Variants in JPT1 observed in about 807,000 individuals in gnomAD.
The protein encoded by JPT1 is androgen-regulated protein 2.
JPT1 carries 5 observed loss-of-function variants against 17.0 expected under a neutral mutation model. The observed-to-expected ratio is 0.29, with a 90% CI of 0.15 to 0.62. The LOEUF (loss-of-function observed/expected upper bound fraction) is 0.62, where lower values mean the gene tolerates loss of function less well. JPT1 is among the 20% of genes least tolerant of loss of function. The pLI, the probability that JPT1 is intolerant of heterozygous loss-of-function variation, is 0.85. For missense variants in JPT1, 158 were observed against 188.1 expected, an observed-to-expected ratio of 0.84 and a Z score of 0.94; for synonymous variants, 71 against 73.6, an observed-to-expected ratio of 0.96 and a Z score of 0.18.
rs747003016 is a variant in JPT1, at chr17:75,136,042, T to C, written c.*60A>G. On this transcript the variant is annotated 3_prime_UTR_variant, in exon 5 of 5. Coordinates refer to ENST00000409753, the MANE Select transcript of JPT1 (RefSeq NM_016185.4). ...CAAGAGATGTACAGTCAGGCTCAAG[T>C]TGTGCAGTTCACAAGCATGGAGGAA... The C allele has an allele frequency of 1.2e-6, 2 of 1,613,384 alleles. No homozygotes were observed. Among genetic ancestry groups the C allele is most frequent in the Admixed American group, 3.3e-5 (2 of 59,974 alleles).
chr17:75,142,616 A>AT, intron 4 of JPT1: 1 of 208,172 alleles, frequency 4.8e-6, no homozygotes, highest in Non-Finnish European at 8.9e-6. Context: ...AGGGGGAGAG[A>AT]GGAGGGGAGG....
At chr17:75,150,729 G>T (rs545558840) in intron 1 of JPT1, among the ~76,000 whole-genome samples, 1 of 151,520 alleles carries the variant, frequency 6.6e-6, no homozygotes, top group African/African-American at 2.4e-5. Flanking sequence ...CTTACTGCCT[G>T]TGTAATTGCA....
intron 1 of JPT1, among the ~76,000 whole-genome samples, chr17:75,150,375 CCT>C (rs1295146729): frequency 6.6e-6 from 1 of 151,808 alleles, no homozygotes; most frequent in African/African-American, 2.4e-5. Context: ...TGCCTCAGCC[CCT>C]GAGTAGCTGG....
intron 4 of JPT1, among the ~76,000 whole-genome samples, chr17:75,138,012 A>G (rs956968350): frequency 1.3e-4 from 20 of 150,250 alleles, no homozygotes; most frequent in Non-Finnish European, 3.0e-5. Context: ...GCTAGAGTGC[A>G]ACAGTGCAAT....
At chr17:75,145,178 AAAAAAAACACAACC>A (rs1309838660) in intron 4 of JPT1, 9 of 148,536 alleles carry the variant, frequency 6.1e-5, no homozygotes, top group African/African-American at 2.2e-4. Flanking sequence ...AAAAAAAAAA[AAAAAAAACACAACC>A]AAAAAAACAG....
At chr17:75,150,686 C>A (rs1412002664) in intron 1 of JPT1, among the ~76,000 whole-genome samples, 2 of 152,034 alleles carry the variant, frequency 1.3e-5, no homozygotes, top group Non-Finnish European at 2.9e-5. Flanking sequence ...CCCAGCCCAG[C>A]CAACTTTTTT....
chr17:75,140,062 C>A (rs1461901212), intron 4 of JPT1, among the ~76,000 whole-genome samples: 1 of 152,022 alleles, frequency 6.6e-6, no homozygotes, highest in Non-Finnish European at 1.5e-5. Context: ...GGATTACAGG[C>A]GCGTGCCACC....
At chr17:75,143,604 G>A (rs2074368152) in intron 4 of JPT1, among the ~76,000 whole-genome samples, 1 of 151,932 alleles carries the variant, frequency 6.6e-6, no homozygotes, top group Non-Finnish European at 1.5e-5. Flanking sequence ...GGGAGGCTGA[G>A]GAGGGTGGAT....
At position 75,139,686 on chromosome 17, in the gene JPT1, T is replaced by C. The variant is rs925528856; in HGVS notation, c.317-3436A>G. ...AGTACAAAAATTAGCTGGGCGTGTG[T>C]GCGCGCCTGTATTCACAGATACTCG... On this transcript the variant is annotated intron_variant, in intron 4 of 4. Transcript: ENST00000409753. Among the ~76,000 whole-genome samples, 7 of 151,900 alleles carry C rather than the reference T, an allele frequency of 4.6e-5. No individual in the cohort carries two copies. The East Asian group carries it at 1.2e-3, about 25-fold the overall frequency.
At chr17:75,149,394 G>C (rs2074501568) in intron 1 of JPT1, among the ~76,000 whole-genome samples, 1 of 152,022 alleles carries the variant, frequency 6.6e-6, no homozygotes, top group South Asian at 2.1e-4. Flanking sequence ...TTGAGACGGA[G>C]TCTCCCTCTG....
Position 75,154,443 on chromosome 17 carries a change from AGGGTCGGACCCGAGGG to A in JPT1, c.-62_-47del. ...GCTGGCGCCGGAGCAGAACGCTCAA[AGGGTCGGACCCGAGGG>A]GCGCTGGGAAACTCCACACCCAACA... is the stretch of plus-strand genomic sequence containing the variant. On this transcript the variant is annotated 5_prime_UTR_variant, in exon 1 of 5. Transcript: ENST00000409753. 6.5e-7 allele frequency: 1 copy of A among 1,530,214 alleles called. No individual in the cohort carries two copies. Among genetic ancestry groups the A allele is most frequent in the Non-Finnish European group, 8.8e-7 (1 of 1,134,600 alleles). 94.8% of individuals were successfully genotyped at this position (1,530,214 alleles called of 1,614,324 possible).
intron 2 of JPT1, 30 bp from the exon 3 acceptor site, chr17:75,147,683 A>C: frequency 5.1e-6 from 8 of 1,562,056 alleles, no homozygotes; most frequent in Non-Finnish European, 7.1e-6. Flanking sequence ...TTCTTCAGAA[A>C]TACAATAGAA....
chr17:75,137,990 C>T (rs1036912819), intron 4 of JPT1, among the ~76,000 whole-genome samples: 8 of 150,930 alleles, frequency 5.3e-5, no homozygotes, highest in Middle Eastern at 3.5e-3. Context: ...GAGTTTCACA[C>T]ATGTTGTCCA....
chr17:75,148,442 G>C, intron 2 of JPT1, 87 bp downstream of exon 2: 2 of 1,479,506 alleles, frequency 1.4e-6, no homozygotes, highest in Non-Finnish European at 1.9e-6. Flanking sequence ...TTTAGACACG[G>C]GGGCACATGC....
At position 75,147,607 on chromosome 17, in the gene JPT1, C is replaced by T. The variant is rs2074464700; in HGVS notation, c.246G>A (p.Leu82=). The T allele has an allele frequency of 1.2e-6, 2 of 1,613,952 alleles. No homozygotes were observed. The highest frequency in any genetic ancestry group is 2.2e-5 in the South Asian group (2 of 91,088). ...GGREDLESSG[L]QRRNSSEASS... Reference sequence around the variant, plus strand: ...TTGCTTCAGAGGAGTTCCTTCTCTGCAGTCCAGATGACTCCAAGTCTTCCC... The same window carrying T: ...TTGCTTCAGAGGAGTTCCTTCTCTGTAGTCCAGATGACTCCAAGTCTTCCC... The change falls in exon 3 of 5, where the codon CTG becomes CTA. Residue 82 remains leucine, a synonymous_variant. Coordinates refer to ENST00000409753, the MANE Select transcript of JPT1 (RefSeq NM_016185.4).
chr17:75,140,032 C>T (rs1568029356), intron 4 of JPT1, among the ~76,000 whole-genome samples: 3 of 152,140 alleles, frequency 2.0e-5, no homozygotes, highest in Admixed American at 2.0e-4. Flanking sequence ...ATTCTCCTGC[C>T]TCAGCCTCCC....
rs377118565 is a variant in JPT1 at position 75,141,607 on chromosome 17, T to G, written c.316+5059A>C. Among the ~76,000 whole-genome samples the G allele has an allele frequency of 4.9e-4, 73 of 150,000 alleles. No individual in the cohort carries two copies. The East Asian group carries it at 0.011, about 23-fold the overall frequency. On this transcript the variant is annotated intron_variant, in intron 4 of 4. Transcript: ENST00000409753. ...GGCGGAGGTTGCAGTGAGCCGAGAT[T>G]ATGCCACTGCACTCCAGCCTGGCGA...
At chr17:75,154,269 G>C in intron 1 of JPT1, 73 bp downstream of exon 1, 1 of 1,255,700 alleles carries the variant, frequency 8.0e-7, no homozygotes, top group Non-Finnish European at 1.1e-6. Context: ...AACGACCGGC[G>C]CGAGGCCCCG....
chr17:75,137,265 A>T (rs927806932), intron 4 of JPT1, among the ~76,000 whole-genome samples: 1 of 152,052 alleles, frequency 6.6e-6, no homozygotes, highest in Non-Finnish European at 1.5e-5. Context: ...CAAAAATTCT[A>T]TATTTTCTAT....
Sources: gnomAD v4.1 joint callset for allele counts (sites outside exome capture counted in the v4.1 genomes callset) on GRCh38, gnomAD v4.1.1 for gene constraint, MANE v1.5 for transcripts, NCBI Gene and HGNC (gene_info 2026-07-23, HGNC 2026-07-21) for gene names.